The following SERINC5 variants were observed in gnomAD, a reference collection of about 807,000 sequenced individuals.
SERINC5 encodes the protein chromosome 5 open reading frame 12.
SERINC5 carries 41 observed loss-of-function variants against 63.1 expected under a neutral mutation model. That is an observed-to-expected ratio of 0.65 (90% CI 0.51 to 0.84). The LOEUF (loss-of-function observed/expected upper bound fraction) is 0.84, where lower values mean the gene tolerates loss of function less well. SERINC5 is among the 40% of genes least tolerant of loss of function. SERINC5 has a pLI of 0.00. For missense variants in SERINC5, 523 were observed against 573.0 expected, an observed-to-expected ratio of 0.91 and a Z score of 0.89; for synonymous variants, 222 against 215.2, an observed-to-expected ratio of 1.03 and a Z score of -0.28.
chr5:80,162,209 T>C (rs1746979155), intron 7 of SERINC5, among the ~76,000 whole-genome samples: 1 of 108,394 alleles, frequency 9.2e-6, no homozygotes, highest in Non-Finnish European at 1.8e-5. Flanking sequence ...CTGGCTCTGT[T>C]GTTTCTATAC....
chr5:80,147,148 A>C, intron 10 of SERINC5, 97 bp downstream of exon 10: 1 of 1,106,218 alleles, frequency 9.0e-7, no homozygotes, highest in South Asian at 1.4e-5. Flanking sequence ...TCTCCTTACT[A>C]TTCAAGTTAT....
chr5:80,158,822 C>A lies in SERINC5; in HGVS notation c.986+14G>T. ...AGTCTGCAAAAGTGACCTTGAGTAACTCCCAAGACTTACCATGAATACAAG... is the reference window on the plus strand; with the variant it reads ...AGTCTGCAAAAGTGACCTTGAGTAAATCCCAAGACTTACCATGAATACAAG... On this transcript the variant is annotated intron_variant, in intron 8 of 11. Transcript: ENST00000507668. 3 of 1,611,474 alleles carry A rather than the reference C, an allele frequency of 1.9e-6. No homozygotes were observed. The highest frequency in any genetic ancestry group is 2.5e-6 in the Non-Finnish European group (3 of 1,179,188).
At chr5:80,190,303 G>C (rs1249943298) in intron 2 of SERINC5, among the ~76,000 whole-genome samples, 1 of 151,876 alleles carries the variant, frequency 6.6e-6, no homozygotes, top group African/African-American at 2.4e-5. Flanking sequence ...TGTAGAGACG[G>C]GGTTTCGTCA....
intron 1 of SERINC5, among the ~76,000 whole-genome samples, chr5:80,239,142 C>G (rs1751840942): frequency 6.6e-6 from 1 of 152,202 alleles, no homozygotes. Context: ...CAGAATTAGA[C>G]TGTGACTTCC....
intron 11 of SERINC5, among the ~76,000 whole-genome samples, chr5:80,120,888 G>A (rs1167695387): frequency 1.3e-5 from 2 of 152,034 alleles, no homozygotes; most frequent in African/African-American, 2.4e-5. Context: ...GAGTTTTGGA[G>A]GCTTTTTCTT....
chr5:80,139,755 G>A lies in SERINC5; in HGVS notation c.*3908C>T. On this transcript the variant is annotated 3_prime_UTR_variant, in exon 12 of 12. Transcript: ENST00000507668. ...GCCTTCAGTAAATTCCACAAGCCAA[G>A]TGGCTACTGCATTGTCCCTGAAGAA... The A allele has an allele frequency of 1.0e-6, 1 of 985,468 alleles. No homozygotes were observed. Among genetic ancestry groups the A allele is most frequent in the Non-Finnish European group, 1.2e-6 (1 of 829,948 alleles). 61.0% of individuals were successfully genotyped at this position (985,468 alleles called of 1,614,324 possible). A position where few individuals can be genotyped will look rare whatever the true frequency, so the allele number is the denominator to read the frequency against.
At position 80,138,982 on chromosome 5, in the gene SERINC5, G is replaced by GA. The variant is rs1414237853; in HGVS notation, c.*4680dup. On this transcript the variant is annotated 3_prime_UTR_variant, in exon 12 of 12. Transcript: ENST00000507668. Reference sequence around the variant, plus strand: ...GCCTAGTCAATTCAGATGCTTTCTAGAAAAATTAACATTAAAAAACAAATA... The same window carrying GA: ...GCCTAGTCAATTCAGATGCTTTCTAGAAAAAATTAACATTAAAAAACAAATA... 1 of 979,658 alleles carries GA rather than the reference G, an allele frequency of 1.0e-6. No homozygotes were observed. Among genetic ancestry groups the GA allele is most frequent in the African/African-American group, 1.7e-5 (1 of 57,174 alleles). 60.7% of individuals were successfully genotyped at this position (979,658 alleles called of 1,614,324 possible).
chr5:80,127,679 T>C (rs1030562588), intron 11 of SERINC5, among the ~76,000 whole-genome samples: 11 of 152,138 alleles, frequency 7.2e-5, no homozygotes, highest in Non-Finnish European at 1.6e-4. Context: ...TTGAAGACTT[T>C]AAACTTGTGT....
chr5:80,240,998 ATTGTTT>A (rs1432239772), intron 1 of SERINC5, among the ~76,000 whole-genome samples: 1 of 152,172 alleles, frequency 6.6e-6, no homozygotes, highest in African/African-American at 2.4e-5. Flanking sequence ...AGCATAAAAT[ATTGTTT>A]TTAAGTTAGT....
intron 2 of SERINC5, among the ~76,000 whole-genome samples, chr5:80,181,176 T>C (rs1748393970): frequency 6.6e-6 from 1 of 152,158 alleles, no homozygotes; most frequent in Non-Finnish European, 1.5e-5. Flanking sequence ...TAAGTTTCCA[T>C]TTGGCATAAA....
At chr5:80,178,438 C>T (rs1220610685) in intron 2 of SERINC5, among the ~76,000 whole-genome samples, 2 of 146,054 alleles carry the variant, frequency 1.4e-5, no homozygotes, top group Admixed American at 1.4e-4. Context: ...TCACAACTCA[C>T]TGCAGCCTCG....
chr5:80,139,223 T>C lies in SERINC5; in HGVS notation c.*4440A>G. On this transcript the variant is annotated 3_prime_UTR_variant, in exon 12 of 12. Coordinates refer to ENST00000507668, the MANE Select transcript of SERINC5 (RefSeq NM_001174072.3). ...GTTATATCTATAAAACTTTTGTAGT[T>C]TTCTTTTTGCAAAGTAAAAAGGCTT... 2 of 977,654 alleles carry C rather than the reference T, an allele frequency of 2.0e-6. No homozygotes were observed. Among genetic ancestry groups the C allele is most frequent in the Non-Finnish European group, 2.4e-6 (2 of 822,864 alleles). The allele number at this position is 977,654 out of a possible 1,614,324, so 60.6% of individuals were successfully genotyped here.
At chr5:80,195,990 A>C (rs1358915244) in intron 2 of SERINC5, among the ~76,000 whole-genome samples, 1 of 152,162 alleles carries the variant, frequency 6.6e-6, no homozygotes, top group African/African-American at 2.4e-5. Flanking sequence ...GGAACTACTC[A>C]AGTTCAAACA....
chr5:80,213,838 A>C (rs752650431), intron 1 of SERINC5, among the ~76,000 whole-genome samples: 7 of 152,204 alleles, frequency 4.6e-5, no homozygotes, highest in Non-Finnish European at 7.3e-5. Flanking sequence ...TAACCAGGCC[A>C]TTCATTCACT....
exon 12 of SERINC5, chr5:80,113,611 A>G (rs1267128740): frequency 3.4e-6 from 1 of 291,896 alleles, no homozygotes; most frequent in South Asian, 3.2e-5. Context: ...TCATGGCAGG[A>G]GGTGAAAGGC....
rs1307681772 is a variant in SERINC5, at chr5:80,175,024, C to T, written c.481G>A (p.Gly161Arg). The change falls in exon 5 of 12, where the codon GGA (glycine) becomes AGA (arginine). Residue 161 changes from glycine to arginine, a missense_variant. Gly to Arg is a moderately radical substitution (Grantham distance 125, BLOSUM62 -2). Coordinates refer to ENST00000507668, the MANE Select transcript of SERINC5 (RefSeq NM_001174072.3). ...LNAWRYVGAVGGFLFIGIQLL... is the reference protein window; with the variant it reads ...LNAWRYVGAVRGFLFIGIQLL... ...TGGATGCCAATGAAGAGGAAGCCTC[C>T]GACGGCTCCCACATAGCGCCAGGCT... 11 of 1,598,766 alleles carry T rather than the reference C, an allele frequency of 6.9e-6. No individual in the cohort carries two copies. Among genetic ancestry groups the T allele is most frequent in the South Asian group, 2.3e-5 (2 of 88,260 alleles).
At chr5:80,160,807 C>T (rs1746832051) in intron 7 of SERINC5, among the ~76,000 whole-genome samples, 1 of 151,912 alleles carries the variant, frequency 6.6e-6, no homozygotes, top group Admixed American at 6.6e-5. Context: ...TCTGTGTCTG[C>T]TTGTTTCACT....
At chr5:80,228,102 T>C (rs1751249819) in intron 1 of SERINC5, among the ~76,000 whole-genome samples, 1 of 148,470 alleles carries the variant, frequency 6.7e-6, no homozygotes, top group Admixed American at 6.8e-5. Flanking sequence ...CATGGTAGCA[T>C]GCACCTGTAG....
chr5:80,192,503 G>C (rs1388103203), intron 2 of SERINC5, among the ~76,000 whole-genome samples: 2 of 152,038 alleles, frequency 1.3e-5, no homozygotes, highest in African/African-American at 4.8e-5. Context: ...TTCAGATGGG[G>C]TGGGAAGGAA....
Sources: gnomAD v4.1 joint callset for allele counts (sites outside exome capture counted in the v4.1 genomes callset) on GRCh38, gnomAD v4.1.1 for gene constraint, MANE v1.5 for transcripts, NCBI Gene and HGNC (gene_info 2026-07-23, HGNC 2026-07-21) for gene names.